The following H3-3A variants were observed in gnomAD, a reference collection of about 807,000 sequenced individuals.
The protein encoded by H3-3A is histone H3.3.
For synonymous variants in H3-3A, 49 were observed against 61.4 expected, an observed-to-expected ratio of 0.80 and a Z score of 0.95; for missense variants, 7 against 184.0, an observed-to-expected ratio of 0.04 and a Z score of 5.57.
intron 3 of H3-3A, among the ~76,000 whole-genome samples, chr1:226,069,746 G>T (rs562827650): frequency 1.3e-5 from 2 of 152,040 alleles, no homozygotes; most frequent in East Asian, 3.9e-4. Context: ...CAGGAGAATT[G>T]CCTGAGCTCG....
At chr1:226,067,866 T>G (rs1235520493) in intron 3 of H3-3A, among the ~76,000 whole-genome samples, 8 of 152,180 alleles carry the variant, frequency 5.3e-5, no homozygotes, top group Non-Finnish European at 1.2e-4. Context: ...ACTTTACAAC[T>G]AAAGGATAGC....
At chr1:226,063,073 G>T (rs1358648355) in intron 1 of H3-3A, among the ~76,000 whole-genome samples, 4 of 151,780 alleles carry the variant, frequency 2.6e-5, no homozygotes, top group Non-Finnish European at 5.9e-5. Flanking sequence ...CGCGCCCCTG[G>T]CTCCTCTTTC....
In H3-3A at chr1:226,071,569, A is replaced by T. The variant is rs1000745370; in HGVS notation, c.*90A>T. 22 of 578,584 alleles carry T rather than the reference A, an allele frequency of 3.8e-5. No individual in the cohort carries two copies. The South Asian group carries it at 4.6e-4, about 12-fold the overall frequency. 35.8% of individuals were successfully genotyped at this position (578,584 alleles called of 1,614,324 possible). A position where few individuals can be genotyped will look rare whatever the true frequency, so the allele number is the denominator to read the frequency against. ...TTATTGGTAGTTCTGAACGTTAGAT[A>T]TTTTTTTTCCATGGGGTCAAAAGGT... On this transcript the variant is annotated 3_prime_UTR_variant, in exon 4 of 4. Coordinates refer to ENST00000366815, the MANE Select transcript of H3-3A (RefSeq NM_002107.7).
At chr1:226,062,494 G>C (rs1034250842), upstream of H3-3A, among the ~76,000 whole-genome samples, 8 of 149,836 alleles carry the variant, frequency 5.3e-5, no homozygotes, top group African/African-American at 2.0e-4. Flanking sequence ...TTTTGTGTTT[G>C]TACACACACG....
chr1:226,064,258 G>T lies in H3-3A; in HGVS notation c.-23-71G>T, dbSNP rs185979947. On this transcript the variant is annotated intron_variant, in intron 1 of 3. Transcript: ENST00000366815. ...CATAATTTCCAGATTTGGGGAGGGG[G>T]TGATCGTGGCAGGAAAAGTTGTATG... 4.8e-5 allele frequency: 51 copies of T among 1,054,774 alleles called. No homozygotes were observed. In the African/African-American group the frequency reaches 6.0e-4, roughly 12 times the overall value. 65.3% of individuals were successfully genotyped at this position (1,054,774 alleles called of 1,614,324 possible). A position where few individuals can be genotyped will look rare whatever the true frequency, so the allele number is the denominator to read the frequency against.
intron 3 of H3-3A, among the ~76,000 whole-genome samples, chr1:226,070,429 G>C (rs567801828): frequency 1.5e-3 from 226 of 150,898 alleles, no homozygotes; most frequent in African/African-American, 5.3e-3. Flanking sequence ...CTGAGATCTT[G>C]CCACTGCACT....
At chr1:226,062,394 C>A (rs902647339), upstream of H3-3A, among the ~76,000 whole-genome samples, 24 of 151,322 alleles carry the variant, frequency 1.6e-4, no homozygotes, top group South Asian at 5.0e-3. Context: ...CGTGCGCACA[C>A]GGAGCGGGAT....
intron 3 of H3-3A, among the ~76,000 whole-genome samples, chr1:226,069,075 C>A (rs1481136226): frequency 1.4e-5 from 2 of 146,060 alleles, no homozygotes; most frequent in Non-Finnish European, 3.0e-5. Flanking sequence ...TGAGACGAGT[C>A]ACACTCTGTC....
chr1:226,062,690 T>G, upstream of H3-3A: 1 of 153,250 alleles, frequency 6.5e-6, no homozygotes, highest in Non-Finnish European at 1.5e-5. Context: ...CGGCGTGTGT[T>G]GGGGGATAGC....
chr1:226,062,530 C>A (rs1423368461), upstream of H3-3A: 1 of 142,298 alleles, frequency 7.0e-6, no homozygotes, highest in East Asian at 2.2e-4. Flanking sequence ...GAGGAGGGAG[C>A]GGGCGGCGCG....
chr1:226,067,301 T>C (rs187751959), intron 3 of H3-3A: 1 of 152,334 alleles, frequency 6.6e-6, no homozygotes, highest in African/African-American at 2.4e-5. Context: ...TAAGTGTGGT[T>C]GTATTGGTTT....
chr1:226,069,779 C>T (rs533668320), intron 3 of H3-3A, among the ~76,000 whole-genome samples: 19 of 151,818 alleles, frequency 1.3e-4, no homozygotes, highest in African/African-American at 4.1e-4. Context: ...TGCAGTGAGC[C>T]GAGGTTATAC....
At chr1:226,066,571 G>A (rs1657931248) in intron 3 of H3-3A, 1 of 152,158 alleles carries the variant, frequency 6.6e-6, no homozygotes, top group Admixed American at 6.5e-5. Context: ...CTTGATAAAG[G>A]TATGTAGACG....
At chr1:226,068,967 A>G (rs1380997397) in intron 3 of H3-3A, among the ~76,000 whole-genome samples, 2 of 152,208 alleles carry the variant, frequency 1.3e-5, no homozygotes, top group Non-Finnish European at 2.9e-5. Context: ...ACACACGTGA[A>G]AATAGTTCAA....
At chr1:226,064,138 A>G (rs1428240450) in intron 1 of H3-3A, 191 bp from the exon 2 acceptor site, 2 of 462,626 alleles carry the variant, frequency 4.3e-6, no homozygotes, top group Non-Finnish European at 8.0e-6. Context: ...ACAATTTTCT[A>G]GTACTCTAGT....
rs1658136960 is a variant in H3-3A, at chr1:226,071,769, A to G, written c.*290A>G. On this transcript the variant is annotated 3_prime_UTR_variant, in exon 4 of 4. Coordinates refer to ENST00000366815, the MANE Select transcript of H3-3A (RefSeq NM_002107.7). ...GCGGTTCAACTTTATAATAATTATA[A>G]ATAAACCTGTTAAATTTTTCTGGAC... 4.5e-6 allele frequency: 1 copy of G among 222,518 alleles called. No homozygotes were observed. Among genetic ancestry groups the G allele is most frequent in the East Asian group, 6.4e-5 (1 of 15,678 alleles). The allele number at this position is 222,518 out of a possible 1,614,324, so 13.8% of individuals were successfully genotyped here. A position where few individuals can be genotyped will look rare whatever the true frequency, so the allele number is the denominator to read the frequency against.
chr1:226,069,047 AC>A (rs1305525053), intron 3 of H3-3A, among the ~76,000 whole-genome samples: 1 of 134,708 alleles, frequency 7.4e-6, no homozygotes, highest in Non-Finnish European at 1.6e-5. Flanking sequence ...ATGTGAAAGT[AC>A]CTTTTTTTTT....
chr1:226,063,487 G>GTT (rs1657810646), intron 1 of H3-3A, among the ~76,000 whole-genome samples: 1 of 152,166 alleles, frequency 6.6e-6, no homozygotes, highest in Non-Finnish European at 1.5e-5. Flanking sequence ...GCGATTTGGT[G>GTT]TTTTGTCTCT....
At chr1:226,065,987 T>A in intron 3 of H3-3A, 178 bp downstream of exon 3, 1 of 622,126 alleles carries the variant, frequency 1.6e-6, no homozygotes, top group Non-Finnish European at 3.0e-6. Context: ...ACGTAGAAAA[T>A]GGCAAAACCA....
Sources: allele counts gnomAD v4.1 joint callset (sites outside exome capture counted in the v4.1 genomes callset), GRCh38; gene constraint gnomAD v4.1.1; transcripts MANE v1.5; gene names NCBI Gene and HGNC (gene_info 2026-07-23, HGNC 2026-07-21).